The following PLPPR1 variants were observed in gnomAD, a reference collection of about 807,000 sequenced individuals.
The protein encoded by PLPPR1 is phospholipid phosphatase related 1.
In PLPPR1, 10 loss-of-function variants were observed where a neutral mutation model predicts 33.1. The ratio of observed to expected loss-of-function variants is 0.30; its 90% CI spans 0.19 to 0.51. The LOEUF (loss-of-function observed/expected upper bound fraction) is 0.51, where lower values mean the gene tolerates loss of function less well. Among genes scored for constraint, PLPPR1 ranks in the 20% least tolerant of loss-of-function variants. The pLI is 0.97. For synonymous variants in PLPPR1, 151 were observed against 151.0 expected (o/e 1.00, Z 0.00); for missense variants, 304 against 408.1 (o/e 0.74, Z 2.20).
At chr9:101,108,980 A>T (rs1280192013) in intron 1 of PLPPR1, among the ~76,000 whole-genome samples, 4 of 133,324 alleles carry the variant, frequency 3.0e-5, no homozygotes, top group Admixed American at 7.7e-5. Context: ...TTTTTTTGAG[A>T]TGGAGTCTCC....
chr9:101,253,338 A>C (rs565719849), intron 2 of PLPPR1, among the ~76,000 whole-genome samples: 90 of 152,110 alleles, frequency 5.9e-4, no homozygotes, highest in African/African-American at 2.1e-3. Context: ...ATTTGAGGTT[A>C]GGAGTTCAAG....
At chr9:101,197,509 G>A (rs1431784026) in intron 2 of PLPPR1, among the ~76,000 whole-genome samples, 1 of 152,160 alleles carries the variant, frequency 6.6e-6, no homozygotes, top group African/African-American at 2.4e-5. Flanking sequence ...TCTCAGATAT[G>A]CCAGGTGTGT....
chr9:101,083,569 TG>T (rs1830645513), intron 1 of PLPPR1, among the ~76,000 whole-genome samples: 1 of 152,000 alleles, frequency 6.6e-6, no homozygotes, highest in African/African-American at 2.4e-5. Context: ...AAAAATCAAT[TG>T]GTTACTCAAG....
chr9:101,074,373 A>G lies in PLPPR1; in HGVS notation c.-46+45271A>G, dbSNP rs112857009. On this transcript the variant is annotated intron_variant, in intron 1 of 7. Transcript: ENST00000374874. ...AAACTCACCAATTTTTCCCTAAAAG[A>G]AAAAGTGAGGTTCATAGAGGTAAAG... 6.7e-3 allele frequency among the ~76,000 whole-genome samples: 1,022 copies of G among 152,256 alleles called. 3 individuals are homozygous for G. Among genetic ancestry groups the G allele is most frequent in the Middle Eastern group, 0.01 (3 of 294 alleles).
At chr9:101,293,974 A>G (rs904305937) in intron 4 of PLPPR1, among the ~76,000 whole-genome samples, 5 of 152,176 alleles carry the variant, frequency 3.3e-5, no homozygotes, top group African/African-American at 4.8e-5. Context: ...TGAAGGAAAC[A>G]GAGACACAAA....
intron 1 of PLPPR1, among the ~76,000 whole-genome samples, chr9:101,142,391 G>A (rs772508291): frequency 6.6e-6 from 1 of 152,184 alleles, no homozygotes; most frequent in Non-Finnish European, 1.5e-5. Context: ...AGCCAGGACA[G>A]CTAGGCTTGT....
At chr9:101,185,241 G>C in intron 1 of PLPPR1, 1 of 397,624 alleles carries the variant, frequency 2.5e-6, no homozygotes, top group Non-Finnish European at 4.4e-6. Context: ...CATTTTGGCT[G>C]TAAAACTATT....
chr9:101,077,297 T>C (rs1830549865), intron 1 of PLPPR1, among the ~76,000 whole-genome samples: 1 of 152,202 alleles, frequency 6.6e-6, no homozygotes, highest in African/African-American at 2.4e-5. Flanking sequence ...AGACAAACCC[T>C]GAGTTTTCAT....
intron 2 of PLPPR1, among the ~76,000 whole-genome samples, chr9:101,186,018 A>G (rs909095887): frequency 7.9e-5 from 12 of 151,850 alleles, no homozygotes; most frequent in Non-Finnish European, 1.3e-4. Context: ...AGAGTTTACT[A>G]TCTCCTCTGG....
chr9:101,161,603 G>A (rs961807861), intron 1 of PLPPR1, among the ~76,000 whole-genome samples: 2 of 152,064 alleles, frequency 1.3e-5, no homozygotes, highest in South Asian at 4.1e-4. Context: ...AGATTATTAT[G>A]GGGGTTCATT....
chr9:101,267,862 G>A (rs1828024989), intron 2 of PLPPR1, among the ~76,000 whole-genome samples: 1 of 152,048 alleles, frequency 6.6e-6, no homozygotes, highest in African/African-American at 2.4e-5. Context: ...GTTATAATGT[G>A]TCTCAAGTAC....
At chr9:101,180,071 G>A (rs1277710039) in intron 1 of PLPPR1, among the ~76,000 whole-genome samples, 8 of 139,924 alleles carry the variant, frequency 5.7e-5, no homozygotes, top group Non-Finnish European at 9.2e-5. Flanking sequence ...GACTGTGTGA[G>A]TTAATACTTA....
At chr9:101,058,710 ACG>A (rs1830308077) in intron 1 of PLPPR1, among the ~76,000 whole-genome samples, 1 of 152,122 alleles carries the variant, frequency 6.6e-6, no homozygotes, top group Admixed American at 6.6e-5. Context: ...CTGCTTAATT[ACG>A]GGGCAGCCCC....
At chr9:101,310,976 G>C (rs1391886243) in intron 5 of PLPPR1, among the ~76,000 whole-genome samples, 1 of 152,016 alleles carries the variant, frequency 6.6e-6, no homozygotes, top group Non-Finnish European at 1.5e-5. Flanking sequence ...CTCTATGCAG[G>C]TATTTTTTTT....
chr9:101,032,308 AGT>A (rs1366446301), intron 1 of PLPPR1, among the ~76,000 whole-genome samples: 24 of 152,310 alleles, frequency 1.6e-4, no homozygotes, highest in African/African-American at 5.8e-4. Flanking sequence ...CTGTGACTAC[AGT>A]GTGGAGGATG....
chr9:101,095,483 A>G (rs1588025741), intron 1 of PLPPR1, among the ~76,000 whole-genome samples: 1 of 152,178 alleles, frequency 6.6e-6, no homozygotes, highest in East Asian at 1.9e-4. Context: ...TGCATGTATC[A>G]TGGTAGTTTC....
chr9:101,087,387 C>A (rs1284995038), intron 1 of PLPPR1, among the ~76,000 whole-genome samples: 1 of 152,090 alleles, frequency 6.6e-6, no homozygotes, highest in African/African-American at 2.4e-5. Context: ...TTGTCATCTT[C>A]ATTTTTCTAC....
At chr9:101,205,836 G>A (rs961868858) in intron 2 of PLPPR1, among the ~76,000 whole-genome samples, 1 of 152,188 alleles carries the variant, frequency 6.6e-6, no homozygotes, top group African/African-American at 2.4e-5. Context: ...ACAGGCTTGT[G>A]TAAAATAGCA....
intron 1 of PLPPR1, among the ~76,000 whole-genome samples, chr9:101,036,436 C>T (rs1830011288): frequency 6.6e-6 from 1 of 152,076 alleles, no homozygotes; most frequent in African/African-American, 2.4e-5. Context: ...CTATTTATCT[C>T]TTTGTCTTAG....
Sources: gnomAD v4.1 joint callset for allele counts (sites outside exome capture counted in the v4.1 genomes callset) on GRCh38, gnomAD v4.1.1 for gene constraint, MANE v1.5 for transcripts, NCBI Gene and HGNC (gene_info 2026-07-23, HGNC 2026-07-21) for gene names.